Variants in VPS13B observed in about 807,000 individuals in gnomAD.
The protein encoded by VPS13B is intermembrane lipid transfer protein VPS13B.
Under a neutral mutation model 426.4 loss-of-function variants are expected in VPS13B, and 285 were observed. The observed-to-expected ratio is 0.67, with a 90% confidence interval of 0.61 to 0.74. The LOEUF is 0.74. Ranked by LOEUF, VPS13B falls within the 30% of genes least tolerant of loss-of-function variation. The probability of loss-of-function intolerance (pLI) is 0.00; values close to 1 mark genes in which losing one functional copy is unlikely to be tolerated. For synonymous variants in VPS13B, 1,676 were observed against 1,676.4 expected (o/e 1.00, Z 0.01); for missense variants, 4,537 against 4,782.6 (o/e 0.95, Z 1.51).
intron 23 of VPS13B, among the ~76,000 whole-genome samples, chr8:99,459,338 T>C (rs1350023989): frequency 6.6e-6 from 1 of 152,192 alleles, no homozygotes; most frequent in Non-Finnish European, 1.5e-5. Flanking sequence ...AATCTTCAAG[T>C]GTTATTTTTT....
intron 39 of VPS13B, among the ~76,000 whole-genome samples, chr8:99,726,577 A>G (rs1833358643): frequency 6.6e-6 from 1 of 152,234 alleles, no homozygotes; most frequent in South Asian, 2.1e-4. Context: ...TCACATGCCA[A>G]ATGAAGATAT....
rs145799790 is a variant in VPS13B, at chr8:99,160,506, A to G, written c.2208+3763A>G. ...AAACCTCATCTCTACAAAAAATACA[A>G]AAATTAGCCAGGCATTGTGGTTGCG... On this transcript the variant is annotated intron_variant, in intron 15 of 61. Transcript: ENST00000357162. Among the ~76,000 whole-genome samples, 928 of 152,054 alleles carry G rather than the reference A, an allele frequency of 6.1e-3. 13 individuals are homozygous for G. Among genetic ancestry groups the G allele is most frequent in the African/African-American group, 0.021 (883 of 41,478 alleles).
chr8:99,758,502 G>C (rs1347666296), intron 39 of VPS13B, among the ~76,000 whole-genome samples: 2 of 152,190 alleles, frequency 1.3e-5, no homozygotes, highest in Admixed American at 1.3e-4. Flanking sequence ...GACTGTTAAA[G>C]GAGGTAGCAT....
intron 24 of VPS13B, among the ~76,000 whole-genome samples, chr8:99,475,333 C>G (rs993800261): frequency 6.6e-6 from 1 of 152,106 alleles, no homozygotes; most frequent in Admixed American, 6.6e-5. Context: ...CAGTCTCTCT[C>G]TAAAGCTACA....
intron 3 of VPS13B, among the ~76,000 whole-genome samples, chr8:99,046,620 G>A (rs1219185391): frequency 1.3e-5 from 2 of 152,016 alleles, no homozygotes; most frequent in African/African-American, 4.8e-5. Context: ...TCCTTGTCTT[G>A]TCTTCCCTAA....
intron 31 of VPS13B, among the ~76,000 whole-genome samples, chr8:99,569,486 A>C (rs993698781): frequency 1.8e-4 from 28 of 152,180 alleles, no homozygotes; most frequent in African/African-American, 6.7e-4. Context: ...CTGTGCACAC[A>C]GACCATCTAG....
chr8:99,592,818 A>G (rs1826761181), intron 33 of VPS13B, among the ~76,000 whole-genome samples: 1 of 152,050 alleles, frequency 6.6e-6, no homozygotes, highest in South Asian at 2.1e-4. Context: ...TAGGGAAAGG[A>G]CTCTCTGTTT....
At chr8:99,665,850 G>T (rs1830464796) in intron 35 of VPS13B, among the ~76,000 whole-genome samples, 1 of 152,238 alleles carries the variant, frequency 6.6e-6, no homozygotes, top group African/African-American at 2.4e-5. Context: ...TTCCAATTCT[G>T]TGAGGAAAGT....
intron 21 of VPS13B, among the ~76,000 whole-genome samples, chr8:99,405,326 C>T (rs1815265655): frequency 6.6e-6 from 1 of 152,180 alleles, no homozygotes; most frequent in African/African-American, 2.4e-5. Flanking sequence ...AACCTTCATT[C>T]ACCATGATGC....
chr8:99,013,712 T>G, intron 1 of VPS13B, 48 bp from the exon 2 acceptor site: 1 of 1,579,558 alleles, frequency 6.3e-7, no homozygotes, highest in Non-Finnish European at 8.7e-7. Context: ...GAACGCTCTT[T>G]CCTTCACTCT....
chr8:99,211,660 C>G (rs1267227046), intron 17 of VPS13B, among the ~76,000 whole-genome samples: 1 of 151,992 alleles, frequency 6.6e-6, no homozygotes, highest in Non-Finnish European at 1.5e-5. Context: ...GCCTGTAGTC[C>G]CAGCTAATCA....
intron 33 of VPS13B, among the ~76,000 whole-genome samples, chr8:99,590,303 T>C (rs1588525811): frequency 6.6e-6 from 1 of 152,144 alleles, no homozygotes; most frequent in African/African-American, 2.4e-5. Flanking sequence ...GATTCATTGA[T>C]TTTTTGAAGG....
At chr8:99,715,644 T>C (rs1667631) in intron 36 of VPS13B, among the ~76,000 whole-genome samples, 17,750 of 152,180 alleles carry the variant, frequency 0.12, 1,740 homozygotes, top group East Asian at 0.39. Context: ...ACACTAAGAT[T>C]ACAAACAGAT....
intron 54 of VPS13B, among the ~76,000 whole-genome samples, chr8:99,838,328 A>G (rs1237633092): frequency 6.6e-6 from 1 of 152,254 alleles, no homozygotes; most frequent in Non-Finnish European, 1.5e-5. Flanking sequence ...GTAAGTTTAC[A>G]CCAATAATTT....
rs1004879836 is a variant in VPS13B, at chr8:99,502,840, T to G, written c.4047T>G (p.Val1349=). 6.2e-7 allele frequency: 1 copy of G among 1,609,084 alleles called. No individual in the cohort carries two copies. The highest frequency in any genetic ancestry group is 8.5e-7 in the Non-Finnish European group (1 of 1,175,578). The part of the protein sequence containing the change: ...APDPENKGTE[V]CMVSELEDLS... ...ACTGCTTGTTTCTTATTGCAGAGGT[T>G]TGTATGGTCAGTGAACTAGAAGATC... The change falls in exon 27 of 62, where the codon GTT becomes GTG. Residue 1349 remains valine (V), a synonymous_variant. Transcript: ENST00000357162.
chr8:99,291,498 T>C (rs1819731965), intron 19 of VPS13B, among the ~76,000 whole-genome samples: 1 of 152,178 alleles, frequency 6.6e-6, no homozygotes, highest in Admixed American at 6.6e-5. Context: ...GAATTCTATT[T>C]ACTTTAATTT....
At chr8:99,858,747 A>G (rs1816682223) in intron 56 of VPS13B, among the ~76,000 whole-genome samples, 1 of 152,202 alleles carries the variant, frequency 6.6e-6, no homozygotes, top group African/African-American at 2.4e-5. Flanking sequence ...GAAGGGTCCA[A>G]GACATTTGTC....
At chr8:99,545,267 TA>T (rs1295055281) in intron 30 of VPS13B, among the ~76,000 whole-genome samples, 1 of 152,156 alleles carries the variant, frequency 6.6e-6, no homozygotes, top group African/African-American at 2.4e-5. Context: ...CTTGTAGTGT[TA>T]AAATGAATAT....
chr8:99,528,115 A>G (rs1822744345), intron 30 of VPS13B, among the ~76,000 whole-genome samples: 1 of 152,104 alleles, frequency 6.6e-6, no homozygotes, highest in Non-Finnish European at 1.5e-5. Flanking sequence ...TAATTGCTAT[A>G]TAAGAATTAC....
Sources: gnomAD v4.1 joint callset for allele counts (sites outside exome capture counted in the v4.1 genomes callset) on GRCh38, gnomAD v4.1.1 for gene constraint, MANE v1.5 for transcripts, NCBI Gene and HGNC (gene_info 2026-07-23, HGNC 2026-07-21) for gene names.